CD38: variants seen among roughly 807,000 people sequenced by gnomAD.
The protein encoded by CD38 is CD38 molecule, also known as ADP-ribosyl cyclase/cyclic ADP-ribose hydrolase 1.
Under a neutral mutation model 36.3 loss-of-function variants are expected in CD38, and 31 were observed. The ratio of observed to expected loss-of-function variants is 0.85; its 90% CI spans 0.64 to 1.15. The LOEUF (loss-of-function observed/expected upper bound fraction) is 1.15, where lower values mean the gene tolerates loss of function less well. Among genes scored for constraint, CD38 ranks in the 50% most tolerant of loss-of-function variants. CD38 has a pLI of 0.00. For missense variants in CD38, 380 were observed against 371.9 expected, an observed-to-expected ratio of 1.02 and a Z score of -0.18; for synonymous variants, 131 against 135.2, an observed-to-expected ratio of 0.97 and a Z score of 0.22.
At chr4:15,780,188 T>C (rs1722659522) in intron 1 of CD38, among the ~76,000 whole-genome samples, 1 of 152,204 alleles carries the variant, frequency 6.6e-6, no homozygotes, top group Admixed American at 6.5e-5. Flanking sequence ...GAATTATGCA[T>C]ATTTTAAGTT....
intron 1 of CD38, among the ~76,000 whole-genome samples, chr4:15,791,800 T>G: frequency 1.6e-5 from 1 of 64,076 alleles, no homozygotes; most frequent in South Asian, 5.1e-4. Flanking sequence ...GGGAGGGAGG[T>G]GGGAGGGTCA....
At chr4:15,834,352 A>C in intron 4 of CD38, 50 bp downstream of exon 4, 6 of 1,101,778 alleles carry the variant, frequency 5.4e-6, no homozygotes, top group Non-Finnish European at 8.4e-6. Context: ...ACAGAACTTA[A>C]GACGTTACTC....
intron 3 of CD38, among the ~76,000 whole-genome samples, chr4:15,831,556 C>A (rs959720819): frequency 6.6e-6 from 1 of 151,536 alleles, no homozygotes; most frequent in Non-Finnish European, 1.5e-5. Context: ...ATATACTATT[C>A]TAGAGTAAAA....
intron 3 of CD38, among the ~76,000 whole-genome samples, chr4:15,826,560 T>C (rs1490828343): frequency 6.6e-6 from 1 of 151,654 alleles, no homozygotes; most frequent in Non-Finnish European, 1.5e-5. Flanking sequence ...TAAATTGTAA[T>C]AGAAACTGGT....
At chr4:15,788,972 C>T (rs965607369) in intron 1 of CD38, among the ~76,000 whole-genome samples, 2 of 152,114 alleles carry the variant, frequency 1.3e-5, no homozygotes, top group Non-Finnish European at 2.9e-5. Context: ...TCCAAGTTAC[C>T]ATCTAACTTC....
intron 1 of CD38, among the ~76,000 whole-genome samples, chr4:15,800,919 C>T (rs1227764779): frequency 6.6e-6 from 1 of 151,918 alleles, no homozygotes; most frequent in African/African-American, 2.4e-5. Flanking sequence ...AACCCCCAAA[C>T]TCCAAATTAG....
chr4:15,807,767 T>C (rs1723374320), intron 1 of CD38, among the ~76,000 whole-genome samples: 1 of 152,190 alleles, frequency 6.6e-6, no homozygotes, highest in South Asian at 2.1e-4. Flanking sequence ...AAATATTTGC[T>C]AAAACAAAGA....
At chr4:15,838,019 T>C (rs1049839799) in intron 4 of CD38, 73 bp from the exon 5 acceptor site, 4 of 1,199,012 alleles carry the variant, frequency 3.3e-6, no homozygotes, top group African/African-American at 1.5e-5. Context: ...TTGCTAAGTA[T>C]TGTTTTGAAT....
chr4:15,820,342 CA>C (rs948096674), intron 2 of CD38, among the ~76,000 whole-genome samples: 4 of 152,102 alleles, frequency 2.6e-5, no homozygotes, highest in Admixed American at 6.6e-5. Flanking sequence ...TCACACATAA[CA>C]AATTAACCTT....
intron 1 of CD38, among the ~76,000 whole-genome samples, chr4:15,794,136 T>C (rs1285131542): frequency 6.6e-6 from 1 of 152,252 alleles, no homozygotes; most frequent in Non-Finnish European, 1.5e-5. Context: ...CATGATGTCC[T>C]GCTGTCTTCT....
chr4:15,819,961 C>T (rs984743403), intron 2 of CD38, among the ~76,000 whole-genome samples: 1 of 151,980 alleles, frequency 6.6e-6, no homozygotes, highest in Non-Finnish European at 1.5e-5. Context: ...TCCAGGTCAC[C>T]TATAAAGGGA....
chr4:15,794,345 C>A (rs543370684), intron 1 of CD38, among the ~76,000 whole-genome samples: 12 of 152,238 alleles, frequency 7.9e-5, no homozygotes, highest in African/African-American at 2.9e-4. Context: ...ATAACCCTGG[C>A]AGATAAGGGA....
At chr4:15,782,797 C>G (rs903025137) in intron 1 of CD38, among the ~76,000 whole-genome samples, 1 of 152,056 alleles carries the variant, frequency 6.6e-6, no homozygotes, top group Non-Finnish European at 1.5e-5. Flanking sequence ...CTTGGTTGTC[C>G]TTTTCCAAAC....
At chr4:15,805,039 T>C (rs1244890322) in intron 1 of CD38, among the ~76,000 whole-genome samples, 2 of 152,156 alleles carry the variant, frequency 1.3e-5, no homozygotes, top group African/African-American at 4.8e-5. Flanking sequence ...CATAAATATG[T>C]GCAATTACAT....
At chr4:15,820,240 A>G (rs1723703131) in intron 2 of CD38, among the ~76,000 whole-genome samples, 1 of 152,212 alleles carries the variant, frequency 6.6e-6, no homozygotes, top group Non-Finnish European at 1.5e-5. Context: ...CTACAGAAAC[A>G]CACCGAAGTA....
In CD38 at chr4:15,778,483, A is replaced by G. The variant is rs200626991; in HGVS notation, c.69A>G (p.Gln23=). Residue 23 remains glutamine (Q), a synonymous_variant, in exon 1 of 8, where the codon CAA becomes CAG. Transcript: ENST00000226279. The surrounding 1 kb of genome is among the most constrained non-coding windows in gnomAD (Gnocchi z 4.9). ...GCTGCCGGCTCTCTAGGAGAGCCCAACTCTGTCTTGGCGTCAGTATCCTGG... is the reference window on the plus strand; with the variant it reads ...GCTGCCGGCTCTCTAGGAGAGCCCAGCTCTGTCTTGGCGTCAGTATCCTGG... ...KPCCRLSRRA[Q]LCLGVSILVL... 28 of 1,612,490 alleles carry G rather than the reference A, an allele frequency of 1.7e-5. No individual in the cohort carries two copies. The East Asian group carries it at 5.6e-4, about 32-fold the overall frequency.
At chr4:15,841,627 T>C (rs1251818820) in intron 7 of CD38, among the ~76,000 whole-genome samples, 1 of 150,132 alleles carries the variant, frequency 6.7e-6, no homozygotes, top group East Asian at 1.9e-4. Context: ...ACGGGTGATT[T>C]CTGCATTTCC....
rs370975124 is a variant in CD38 at position 15,848,610 on chromosome 4, G to A, written c.*8G>A. The A allele has an allele frequency of 9.3e-6, 15 of 1,612,050 alleles. No homozygotes were observed. The highest frequency in any genetic ancestry group is 5.3e-5 in the African/African-American group (4 of 74,850). On this transcript the variant is annotated 3_prime_UTR_variant, in exon 8 of 8. Transcript: ENST00000226279. ...TGCACATCTGAGATCTGAGCCAGTCGCTGTGGTTGTTTTAGCTCCTTGACT... is the reference window on the plus strand; with the variant it reads ...TGCACATCTGAGATCTGAGCCAGTCACTGTGGTTGTTTTAGCTCCTTGACT...
At chr4:15,839,965 G>T (rs935694269) in intron 5 of CD38, 61 bp from the exon 6 acceptor site, 2 of 1,086,146 alleles carry the variant, frequency 1.8e-6, no homozygotes, top group Admixed American at 1.7e-5. Flanking sequence ...GGTTGTTGAG[G>T]GGGGTGTGGA....
Sources: gnomAD v4.1 joint callset for allele counts (sites outside exome capture counted in the v4.1 genomes callset) on GRCh38, gnomAD v4.1.1 for gene constraint, Gnocchi (gnomAD v3.1) non-coding constraint, MANE v1.5 for transcripts, NCBI Gene and HGNC (gene_info 2026-07-23, HGNC 2026-07-21) for gene names.